CADPS: variants seen among roughly 807,000 people sequenced by gnomAD.
CADPS encodes calcium-dependent secretion activator 1.
In CADPS, 57 loss-of-function variants were observed where a neutral mutation model predicts 167.3. That is an observed-to-expected ratio of 0.34 (90% confidence interval 0.28 to 0.42). The LOEUF (loss-of-function observed/expected upper bound fraction) is 0.42, where lower values mean the gene tolerates loss of function less well. Ranked by LOEUF, CADPS falls within the 20% of genes least tolerant of loss-of-function variation. The pLI is 1.00. For missense variants in CADPS, 1,414 were observed against 1,738.1 expected, an observed-to-expected ratio of 0.81 and a Z score of 3.32; for synonymous variants, 676 against 635.3, an observed-to-expected ratio of 1.06 and a Z score of -0.96.
intron 3 of CADPS, among the ~76,000 whole-genome samples, chr3:62,673,756 T>C (rs971716374): frequency 3.3e-5 from 5 of 152,286 alleles, no homozygotes; most frequent in Non-Finnish European, 7.4e-5. Context: ...TGATGGGAAA[T>C]GGTCACTTTT....
In CADPS at chr3:62,484,994, TCCTA is replaced by T. The variant is rs2062588497; in HGVS notation, c.3027-3129_3027-3126del. 2.0e-5 allele frequency among the ~76,000 whole-genome samples: 3 copies of T among 152,232 alleles called. No homozygotes were observed. In the East Asian group the frequency reaches 5.8e-4, roughly 29 times the overall value. ...GGGGCAGGGGCATTCTCTAATATCTTCCTAGAATCTAGAGCAGTATTTTACAATC... is the reference window on the plus strand; with the variant it reads ...GGGGCAGGGGCATTCTCTAATATCTTGAATCTAGAGCAGTATTTTACAATC... On this transcript the variant is annotated intron_variant, in intron 21 of 29. Transcript: ENST00000383710.
chr3:62,773,166 C>T (rs1482257734), intron 1 of CADPS, among the ~76,000 whole-genome samples: 1 of 151,718 alleles, frequency 6.6e-6, no homozygotes. Context: ...TATATTGGGC[C>T]ATGAATTTTA....
chr3:62,762,211 A>G (rs570426437), intron 2 of CADPS, among the ~76,000 whole-genome samples: 3 of 152,340 alleles, frequency 2.0e-5, no homozygotes, highest in East Asian at 3.9e-4. Flanking sequence ...CAGGTTCCAC[A>G]TTCATGCATT....
chr3:62,605,268 G>A (rs1404099469), intron 6 of CADPS, among the ~76,000 whole-genome samples: 1 of 152,014 alleles, frequency 6.6e-6, no homozygotes, highest in Non-Finnish European at 1.5e-5. Context: ...AAAAAACTGG[G>A]AGAGACAGAA....
At chr3:62,740,244 C>T (rs1249677986) in intron 3 of CADPS, among the ~76,000 whole-genome samples, 1 of 152,214 alleles carries the variant, frequency 6.6e-6, no homozygotes, top group Non-Finnish European at 1.5e-5. Context: ...ATGGTCTTCT[C>T]TTGGAAGATC....
chr3:62,623,741 C>A (rs920192929), intron 6 of CADPS, among the ~76,000 whole-genome samples: 14 of 152,108 alleles, frequency 9.2e-5, no homozygotes, highest in Admixed American at 7.9e-4. Context: ...ATGTTGCCAA[C>A]AAGAACAATG....
At chr3:62,408,358 G>A (rs1000342996) in intron 28 of CADPS, among the ~76,000 whole-genome samples, 1 of 152,100 alleles carries the variant, frequency 6.6e-6, no homozygotes, top group Admixed American at 6.5e-5. Context: ...GTATTAAAAT[G>A]TTATTTATCT....
intron 3 of CADPS, among the ~76,000 whole-genome samples, chr3:62,674,273 T>C (rs1437325642): frequency 6.6e-6 from 1 of 152,202 alleles, no homozygotes; most frequent in Non-Finnish European, 1.5e-5. Flanking sequence ...CCAGGGTACT[T>C]GAGAACTGTC....
intron 28 of CADPS, among the ~76,000 whole-genome samples, chr3:62,405,750 C>T (rs1472390571): frequency 6.6e-6 from 1 of 152,076 alleles, no homozygotes; most frequent in African/African-American, 2.4e-5. Flanking sequence ...TGTATGATGC[C>T]CCATTGGCTA....
At position 62,465,464 on chromosome 3, in the gene CADPS, A is replaced by G. The variant is rs1420143375; in HGVS notation, c.3553-14T>C. 5.2e-6 allele frequency: 8 copies of G among 1,548,362 alleles called. No homozygotes were observed. The East Asian group carries it at 1.8e-4, about 35-fold the overall frequency. On this transcript the variant is annotated splice_polypyrimidine_tract_variant and intron_variant, in intron 25 of 29. Transcript: ENST00000383710. The surrounding 1 kb of genome is among the most constrained non-coding windows in gnomAD (Gnocchi z 4.1). ...GATAGTAACGAACTAGAAAAACAGCAAAAAAGAAAAAAATGTTATTTCAAA... is the reference window on the plus strand; with the variant it reads ...GATAGTAACGAACTAGAAAAACAGCGAAAAAGAAAAAAATGTTATTTCAAA...
intron 3 of CADPS, among the ~76,000 whole-genome samples, chr3:62,735,332 T>G (rs1160197623): frequency 6.8e-6 from 1 of 147,752 alleles, no homozygotes; most frequent in East Asian, 1.9e-4. Context: ...ATGAAAGTAT[T>G]AAGAAATGTA....
chr3:62,551,659 T>C (rs1386093483), intron 10 of CADPS, among the ~76,000 whole-genome samples: 1 of 152,068 alleles, frequency 6.6e-6, no homozygotes, highest in East Asian at 1.9e-4. Flanking sequence ...TCTAACCTCC[T>C]CTCCTAATAC....
chr3:62,778,654 C>A (rs1254858606), intron 1 of CADPS, among the ~76,000 whole-genome samples: 2 of 152,170 alleles, frequency 1.3e-5, no homozygotes, highest in Admixed American at 1.3e-4. Flanking sequence ...CCTATACACC[C>A]ACCACAGACC....
chr3:62,787,874 G>A (rs1425739087), intron 1 of CADPS, among the ~76,000 whole-genome samples: 1 of 152,118 alleles, frequency 6.6e-6, no homozygotes, highest in South Asian at 2.1e-4. Context: ...ATGCCAAAAT[G>A]TTAGGTACTA....
intron 1 of CADPS, among the ~76,000 whole-genome samples, chr3:62,780,666 T>C (rs1576319764): frequency 6.6e-6 from 1 of 152,146 alleles, no homozygotes; most frequent in Non-Finnish European, 1.5e-5. Context: ...AAAAAGATGA[T>C]CCCCCAAATT....
chr3:62,864,378 G>A (rs2081322835), intron 1 of CADPS, among the ~76,000 whole-genome samples: 1 of 152,168 alleles, frequency 6.6e-6, no homozygotes, highest in Admixed American at 6.5e-5. Flanking sequence ...GAAGAAGAGG[G>A]CTGTCTTTGT....
chr3:62,627,863 C>G (rs2064410909), intron 6 of CADPS, among the ~76,000 whole-genome samples: 1 of 152,084 alleles, frequency 6.6e-6, no homozygotes. Context: ...CCTCAAAAAG[C>G]CATTATATTT....
chr3:62,546,256 G>A (rs2076431311), intron 11 of CADPS, among the ~76,000 whole-genome samples: 1 of 151,920 alleles, frequency 6.6e-6, no homozygotes, highest in Admixed American at 6.6e-5. Context: ...ATGAAAATTT[G>A]TTCTTTACAA....
intron 2 of CADPS, among the ~76,000 whole-genome samples, chr3:62,757,696 T>C (rs547382637): frequency 6.6e-6 from 1 of 152,294 alleles, no homozygotes; most frequent in African/African-American, 2.4e-5. Flanking sequence ...TTGAGTGATG[T>C]ATTAGTCTGT....
Sources: gnomAD v4.1 joint callset for allele counts (sites outside exome capture counted in the v4.1 genomes callset) on GRCh38, gnomAD v4.1.1 for gene constraint, Gnocchi (gnomAD v3.1) non-coding constraint, MANE v1.5 for transcripts, NCBI Gene and HGNC (gene_info 2026-07-23, HGNC 2026-07-21) for gene names.